MBOAT1: variants seen among roughly 807,000 people sequenced by gnomAD.
MBOAT1 encodes membrane-bound glycerophospholipid O-acyltransferase 1.
MBOAT1 carries 67 observed loss-of-function variants against 64.4 expected under a neutral mutation model. The observed-to-expected ratio is 1.04, with a 90% CI of 0.85 to 1.27. The LOEUF (loss-of-function observed/expected upper bound fraction) is 1.27, where lower values mean the gene tolerates loss of function less well. Ranked by LOEUF, MBOAT1 falls within the 50% of genes most tolerant of loss-of-function variation. The probability of loss-of-function intolerance (pLI) is 0.00; values close to 1 mark genes in which losing one functional copy is unlikely to be tolerated. For missense variants in MBOAT1, 563 were observed against 604.6 expected (o/e 0.93, Z 0.72); for synonymous variants, 229 against 218.9 (o/e 1.05, Z -0.41).
intron 1 of MBOAT1, among the ~76,000 whole-genome samples, chr6:20,186,556 C>A (rs1561781262): frequency 6.6e-6 from 1 of 152,208 alleles, no homozygotes; most frequent in Non-Finnish European, 1.5e-5. Context: ...TTCCCTGGGG[C>A]TAGTAGGTCT....
Position 20,126,693 on chromosome 6 carries a change from G to A in MBOAT1, c.538C>T (p.Pro180Ser), listed in dbSNP as rs1581407095. Residue 180 changes from proline (P) to serine (S), a missense_variant, in exon 7 of 13, where the codon CCC becomes TCC. Pro to Ser is a moderately conservative substitution (Grantham distance 74). Transcript: ENST00000324607. ...TAACTTAAGTATTCCAAAAAAGAGGGTTTCACTCTGTGAAAATAAAGTAAA... is the reference window on the plus strand; with the variant it reads ...TAACTTAAGTATTCCAAAAAAGAGGATTTCACTCTGTGAAAATAAAGTAAA... Reference protein sequence around the residue: ...EQHRLAIKVKPSFLEYLSYLL... With the variant: ...EQHRLAIKVKSSFLEYLSYLL... 1 of 1,602,740 alleles carries A rather than the reference G, an allele frequency of 6.2e-7. No homozygotes were observed. Among genetic ancestry groups the A allele is most frequent in the South Asian group, 1.1e-5 (1 of 88,686 alleles).
At chr6:20,175,175 A>T (rs9460463) in intron 1 of MBOAT1, among the ~76,000 whole-genome samples, 4,896 of 152,320 alleles carry the variant, frequency 0.032, 284 homozygotes, top group African/African-American at 0.11. Context: ...TAAAAATAAT[A>T]TAATGAGGAA....
chr6:20,208,747 G>A (rs1763335426), intron 1 of MBOAT1, among the ~76,000 whole-genome samples: 1 of 151,644 alleles, frequency 6.6e-6, no homozygotes, highest in Admixed American at 6.6e-5. Flanking sequence ...CATACTTCAT[G>A]CACACACACA....
At chr6:20,141,950 A>G (rs920440564) in intron 4 of MBOAT1, among the ~76,000 whole-genome samples, 1 of 152,166 alleles carries the variant, frequency 6.6e-6, no homozygotes, top group Non-Finnish European at 1.5e-5. Context: ...GCTCTTGCAA[A>G]GCCCTCCCTT....
chr6:20,105,453 C>A (rs1236447168), intron 12 of MBOAT1, among the ~76,000 whole-genome samples: 4 of 152,144 alleles, frequency 2.6e-5, no homozygotes, highest in Non-Finnish European at 5.9e-5. Flanking sequence ...TTGCCATCTA[C>A]GAAAGTTTCT....
intron 4 of MBOAT1, among the ~76,000 whole-genome samples, chr6:20,139,546 C>CTTTTTTT (rs70990010): frequency 1.4e-5 from 1 of 69,186 alleles, no homozygotes; most frequent in Non-Finnish European, 2.6e-5. Flanking sequence ...ACATTTTAAC[C>CTTTTTTT]TTTTTTTTTT....
At chr6:20,190,219 T>C (rs1449348358) in intron 1 of MBOAT1, among the ~76,000 whole-genome samples, 1 of 152,170 alleles carries the variant, frequency 6.6e-6, no homozygotes, top group Non-Finnish European at 1.5e-5. Context: ...GGTCTTGATC[T>C]CCTGACCTCA....
At chr6:20,125,978 C>A in intron 7 of MBOAT1, 1 of 329,800 alleles carries the variant, frequency 3.0e-6, no homozygotes, top group Non-Finnish European at 5.9e-6. Context: ...CTAATATTGA[C>A]TAATTAGAGA....
rs1759764595 is a variant in MBOAT1 at position 20,100,748 on chromosome 6, A to AT, written c.*1537dup. ...ATACTGTTTATTCAATAAGAAATTA[A>AT]TTTTTTATCGTTGGATTTGAATAAA... On this transcript the variant is annotated 3_prime_UTR_variant, in exon 13 of 13. Coordinates refer to ENST00000324607, the MANE Select transcript of MBOAT1 (RefSeq NM_001080480.3). Among the ~76,000 whole-genome samples, 1 of 152,170 alleles carries AT rather than the reference A, an allele frequency of 6.6e-6. No homozygotes were observed. The highest frequency in any genetic ancestry group is 1.5e-5 in the Non-Finnish European group (1 of 68,024).
At chr6:20,159,235 G>A (rs886487863) in intron 1 of MBOAT1, among the ~76,000 whole-genome samples, 3 of 152,010 alleles carry the variant, frequency 2.0e-5, no homozygotes, top group South Asian at 2.1e-4. Context: ...GCAGGTGACC[G>A]AGAGAAGCTT....
At chr6:20,184,880 A>AGAGTGTGTGTGT (rs1554121571) in intron 1 of MBOAT1, among the ~76,000 whole-genome samples, 31 of 142,864 alleles carry the variant, frequency 2.2e-4, no homozygotes, top group Non-Finnish European at 4.1e-4. Context: ...TTATAACTGC[A>AGAGTGTGTGTGT]GTGTGTGTGT....
At chr6:20,192,995 C>CT (rs1174816793) in intron 1 of MBOAT1, among the ~76,000 whole-genome samples, 1,259 of 54,932 alleles carry the variant, frequency 0.023, 373 homozygotes, top group East Asian at 0.18. Context: ...GCTATAATTT[C>CT]TTTTTTTTTT....
At chr6:20,178,294 T>G (rs1762411147) in intron 1 of MBOAT1, among the ~76,000 whole-genome samples, 1 of 152,210 alleles carries the variant, frequency 6.6e-6, no homozygotes, top group South Asian at 2.1e-4. Flanking sequence ...GAAGTCACTT[T>G]CTGCTGCTAC....
At chr6:20,191,978 T>G (rs1158099245) in intron 1 of MBOAT1, among the ~76,000 whole-genome samples, 1 of 152,230 alleles carries the variant, frequency 6.6e-6, no homozygotes, top group Non-Finnish European at 1.5e-5. Flanking sequence ...GTCTTTTACA[T>G]GTCCAACCAG....
intron 1 of MBOAT1, among the ~76,000 whole-genome samples, chr6:20,181,610 G>A (rs1401856968): frequency 5.3e-5 from 8 of 152,204 alleles, no homozygotes; most frequent in Non-Finnish European, 1.0e-4. Flanking sequence ...CAGAAGCTTT[G>A]CTATCCACCT....
intron 10 of MBOAT1, among the ~76,000 whole-genome samples, chr6:20,114,061 T>C (rs1760251253): frequency 6.6e-6 from 1 of 152,154 alleles, no homozygotes; most frequent in Admixed American, 6.5e-5. Context: ...GAAATGGAAG[T>C]TTATGCTAAA....
At chr6:20,199,470 A>T (rs1318853549) in intron 1 of MBOAT1, among the ~76,000 whole-genome samples, 1 of 152,246 alleles carries the variant, frequency 6.6e-6, no homozygotes, top group Non-Finnish European at 1.5e-5. Flanking sequence ...GAAACTGGGT[A>T]AACTTTAACT....
chr6:20,177,380 G>A (rs183387195), intron 1 of MBOAT1, among the ~76,000 whole-genome samples: 1 of 152,236 alleles, frequency 6.6e-6, no homozygotes, highest in Non-Finnish European at 1.5e-5. Flanking sequence ...TTTTTGTAGA[G>A]ACGCAGTCTT....
intron 1 of MBOAT1, among the ~76,000 whole-genome samples, chr6:20,161,989 C>T (rs1489916622): frequency 6.6e-6 from 1 of 152,114 alleles, no homozygotes; most frequent in African/African-American, 2.4e-5. Flanking sequence ...GACCTCTGTC[C>T]TTGGCTCCAG....
Sources: gnomAD v4.1 joint callset for allele counts (sites outside exome capture counted in the v4.1 genomes callset) on GRCh38, gnomAD v4.1.1 for gene constraint, MANE v1.5 for transcripts, NCBI Gene and HGNC (gene_info 2026-07-23, HGNC 2026-07-21) for gene names.